Variants in RETREG1 observed in about 807,000 individuals in gnomAD.
The protein encoded by RETREG1 is family with sequence similarity 134 member B.
RETREG1 carries 44 observed loss-of-function variants against 54.8 expected under a neutral mutation model. The observed-to-expected ratio is 0.80, with a 90% CI of 0.63 to 1.03. The LOEUF (loss-of-function observed/expected upper bound fraction) is 1.03. RETREG1 is among the 50% of genes least tolerant of loss of function. RETREG1 has a pLI of 0.00. For missense variants in RETREG1, 554 were observed against 605.1 expected (o/e 0.92, Z 0.89); for synonymous variants, 217 against 238.5 (o/e 0.91, Z 0.83).
At chr5:16,550,594 C>T (rs934998097) in intron 3 of RETREG1, among the ~76,000 whole-genome samples, 18 of 152,226 alleles carry the variant, frequency 1.2e-4, no homozygotes, top group Admixed American at 3.9e-4. Context: ...GGACAAAAGC[C>T]ATCCAGCCCT....
intron 1 of RETREG1, among the ~76,000 whole-genome samples, chr5:16,609,998 G>C (rs1035531469): frequency 2.6e-5 from 4 of 152,170 alleles, no homozygotes; most frequent in Non-Finnish European, 5.9e-5. Flanking sequence ...AGAGATTCCT[G>C]TTCAGTGAGT....
chr5:16,515,905 A>T (rs248132), intron 3 of RETREG1, among the ~76,000 whole-genome samples: 134,274 of 152,096 alleles, frequency 0.88, 59,468 homozygotes, highest in African/African-American at 0.96. Context: ...GGCTATTCAG[A>T]GTAGGGGCTT....
rs115139813 is a variant in RETREG1, at chr5:16,572,605, C to T, written c.321-503G>A. ...CAAAATGAAAGTGTCTGAGCCTGCG[C>T]GCTTTTGTGCTAAGCTTTCTGCTCT... is the stretch of plus-strand genomic sequence containing the variant. On this transcript the variant is annotated intron_variant, in intron 1 of 8. Transcript: ENST00000306320. 4.4e-3 allele frequency among the ~76,000 whole-genome samples: 676 copies of T among 152,276 alleles called. 3 individuals are homozygous for T. The highest frequency in any genetic ancestry group is 0.014 in the African/African-American group (602 of 41,546).
intron 3 of RETREG1, among the ~76,000 whole-genome samples, chr5:16,538,797 T>C (rs1043723375): frequency 2.0e-5 from 3 of 152,002 alleles, no homozygotes; most frequent in African/African-American, 4.8e-5. Context: ...CTCCGCCTCC[T>C]GGGTTCACGC....
Position 16,593,481 on chromosome 5 carries a change from GTAAT to G in RETREG1, c.321-21383_321-21380del, listed in dbSNP as rs1409709440. On this transcript the variant is annotated intron_variant, in intron 1 of 8. Coordinates refer to ENST00000306320, the MANE Select transcript of RETREG1 (RefSeq NM_001034850.3). The surrounding 1 kb of genome is among the most constrained non-coding windows in gnomAD (Gnocchi z 4.9). ...TTGTTGTACAAATGATTCAATTAAT[GTAAT>G]TAATTAACCATGCATGTAATCAATG... Among the ~76,000 whole-genome samples the G allele has an allele frequency of 4.6e-5, 7 of 151,928 alleles. No homozygotes were observed. Among genetic ancestry groups the G allele is most frequent in the Admixed American group, 2.0e-4 (3 of 15,242 alleles).
chr5:16,590,295 G>A (rs926368444), intron 1 of RETREG1, among the ~76,000 whole-genome samples: 3 of 152,118 alleles, frequency 2.0e-5, no homozygotes, highest in East Asian at 3.9e-4. Context: ...CTTGACACAC[G>A]ACAGCAGCGC....
intron 8 of RETREG1, 134 bp from the exon 9 acceptor site, chr5:16,475,368 T>G: frequency 1.1e-6 from 1 of 944,466 alleles, no homozygotes. Flanking sequence ...TGGGTCAACT[T>G]GAATCAATTT....
At chr5:16,514,693 TC>T (rs1740288564) in intron 3 of RETREG1, among the ~76,000 whole-genome samples, 1 of 151,240 alleles carries the variant, frequency 6.6e-6, no homozygotes, top group Non-Finnish European at 1.5e-5. Flanking sequence ...CTCCCACCAT[TC>T]CCCCCAAGTC....
intron 3 of RETREG1, among the ~76,000 whole-genome samples, chr5:16,548,953 T>C (rs773960135): frequency 6.6e-6 from 1 of 152,232 alleles, no homozygotes; most frequent in African/African-American, 2.4e-5. Context: ...CAAGAGGCCA[T>C]GCAAAATCTA....
intron 3 of RETREG1, among the ~76,000 whole-genome samples, chr5:16,534,303 T>C (rs1435147056): frequency 6.6e-6 from 1 of 152,136 alleles, no homozygotes; most frequent in African/African-American, 2.4e-5. Flanking sequence ...CGAACCAACC[T>C]AGCATCAGTG....
intron 1 of RETREG1, among the ~76,000 whole-genome samples, chr5:16,590,775 G>A (rs981656717): frequency 1.1e-4 from 17 of 151,522 alleles, no homozygotes; most frequent in African/African-American, 3.2e-4. Context: ...CCTACTCCCC[G>A]GTGGGTACAC....
chr5:16,484,531 A>G (rs1226552079), intron 3 of RETREG1, among the ~76,000 whole-genome samples: 1 of 152,196 alleles, frequency 6.6e-6, no homozygotes, highest in Non-Finnish European at 1.5e-5. Context: ...GTAGGGTACC[A>G]GGGTGAGGCT....
intron 3 of RETREG1, among the ~76,000 whole-genome samples, chr5:16,491,700 G>A (rs750882630): frequency 1.3e-5 from 2 of 152,016 alleles, no homozygotes; most frequent in South Asian, 2.1e-4. Flanking sequence ...TTGCAAATGG[G>A]CAGTTAAAAT....
intron 1 of RETREG1, 115 bp downstream of exon 1, chr5:16,616,537 G>A: frequency 6.7e-7 from 1 of 1,484,988 alleles, no homozygotes; most frequent in Non-Finnish European, 9.0e-7. Context: ...GGGCAGGGCT[G>A]ACAATTCTTC....
At chr5:16,481,829 A>T (rs781190722) in intron 4 of RETREG1, among the ~76,000 whole-genome samples, 20 of 152,078 alleles carry the variant, frequency 1.3e-4, no homozygotes, top group Non-Finnish European at 2.6e-4. Flanking sequence ...CTTTAGAAAC[A>T]TCAAGGCAGA....
In RETREG1 at chr5:16,572,108, A is replaced by G. The variant is rs764809615; in HGVS notation, c.321-6T>C. On this transcript the variant is annotated splice_region_variant and splice_polypyrimidine_tract_variant and intron_variant, in intron 1 of 8. Coordinates refer to ENST00000306320, the MANE Select transcript of RETREG1 (RefSeq NM_001034850.3). The stretch of plus-strand genomic sequence containing the variant: ...ATGGAGTCAATGCAAGGAACCTGCA[A>G]CAGCGAAACACAAATCAGTATTTCA... The G allele has an allele frequency of 6.3e-7, 1 of 1,583,124 alleles. No homozygotes were observed.
chr5:16,544,173 G>C (rs894606612), intron 3 of RETREG1, among the ~76,000 whole-genome samples: 2 of 151,776 alleles, frequency 1.3e-5, no homozygotes, highest in African/African-American at 2.4e-5. Context: ...ACGGGGTTTT[G>C]CCGTGTTGGC....
chr5:16,508,381 TA>T (rs1740045681), intron 3 of RETREG1, among the ~76,000 whole-genome samples: 1 of 152,212 alleles, frequency 6.6e-6, no homozygotes, highest in African/African-American at 2.4e-5. Context: ...CATAAGTTTT[TA>T]AGAGGACATT....
chr5:16,482,708 C>T (rs765026835), intron 4 of RETREG1, among the ~76,000 whole-genome samples: 2 of 152,054 alleles, frequency 1.3e-5, no homozygotes, highest in Non-Finnish European at 2.9e-5. Flanking sequence ...CTGCACCTCA[C>T]CCAAGCTATC....
Sources: allele counts gnomAD v4.1 joint callset (sites outside exome capture counted in the v4.1 genomes callset), GRCh38; gene constraint gnomAD v4.1.1; non-coding constraint Gnocchi (gnomAD v3.1); transcripts MANE v1.5; gene names NCBI Gene and HGNC (gene_info 2026-07-23, HGNC 2026-07-21).